Variants in TDRD9 observed in about 807,000 individuals in gnomAD.
TDRD9 encodes the protein tudor domain containing 9.
In TDRD9, 124 loss-of-function variants were observed where a neutral mutation model predicts 172.6. The ratio of observed to expected loss-of-function variants is 0.72; its 90% CI spans 0.62 to 0.83. The LOEUF is 0.83. Among genes scored for constraint, TDRD9 ranks in the 40% least tolerant of loss-of-function variants. The pLI, the probability that TDRD9 is intolerant of heterozygous loss-of-function variation, is 0.00. For synonymous variants in TDRD9, 619 were observed against 617.1 expected, an observed-to-expected ratio of 1.00 and a Z score of -0.05; for missense variants, 1,479 against 1,714.1, an observed-to-expected ratio of 0.86 and a Z score of 2.42.
chr14:103,994,966 G>A (rs144256940), intron 11 of TDRD9, among the ~76,000 whole-genome samples: 230 of 148,074 alleles, frequency 1.6e-3, no homozygotes, highest in Middle Eastern at 3.5e-3. Context: ...AAAAAAAAAA[G>A]AAAAAAAAAT....
At chr14:104,009,947 C>CT (rs553694826) in intron 20 of TDRD9, among the ~76,000 whole-genome samples, 7,188 of 135,190 alleles carry the variant, frequency 0.053, 280 homozygotes, top group Admixed American at 0.14. Context: ...TTCTTTCTTT[C>CT]TTTTTTTTTT....
intron 2 of TDRD9, among the ~76,000 whole-genome samples, chr14:103,956,108 AAAAATATATATATATAT>A (rs1432493847): frequency 2.8e-5 from 1 of 36,216 alleles, no homozygotes; most frequent in Non-Finnish European, 4.8e-5. Context: ...AAAAAAAAAA[AAAAATATATATATATAT>A]ATATATATAT....
At position 103,965,330 on chromosome 14, in the gene TDRD9, T is replaced by G; in HGVS notation, c.421-3T>G. The G allele has an allele frequency of 6.4e-7, 1 of 1,551,492 alleles. No individual in the cohort carries two copies. The highest frequency in any genetic ancestry group is 1.2e-5 in the South Asian group (1 of 84,054). ...ATTTTGAAAGAATTTTTTAAATTTC[T>G]AGGTTGTGTCTTTGATAGAAAGTAA... On this transcript the variant is annotated splice_polypyrimidine_tract_variant and splice_region_variant and intron_variant, in intron 3 of 35. Transcript: ENST00000409874.
chr14:103,998,252 A>C (rs1045005355), intron 12 of TDRD9, among the ~76,000 whole-genome samples: 2 of 144,292 alleles, frequency 1.4e-5, no homozygotes, highest in East Asian at 4.5e-4. Flanking sequence ...ACCCACAGGC[A>C]CACACAGACG....
chr14:104,011,127 C>T (rs1220943680), intron 20 of TDRD9, among the ~76,000 whole-genome samples: 4 of 152,168 alleles, frequency 2.6e-5, no homozygotes, highest in Non-Finnish European at 4.4e-5. Context: ...CTATACGTGT[C>T]CATGGTCAAC....
At chr14:104,028,262 C>T (rs1338648807) in intron 28 of TDRD9, among the ~76,000 whole-genome samples, 2 of 152,054 alleles carry the variant, frequency 1.3e-5, no homozygotes, top group South Asian at 2.1e-4. Flanking sequence ...TTTGAGTAAC[C>T]TTCACACTGT....
chr14:104,032,127 G>A, intron 30 of TDRD9, 40 bp downstream of exon 30: 1 of 1,325,284 alleles, frequency 7.5e-7, no homozygotes, highest in Non-Finnish European at 1.0e-6. Context: ...TTTTTTCTCT[G>A]CTTTTCTGTT....
rs540385183 is a variant in TDRD9 at position 103,979,054 on chromosome 14, C to T, written c.1011+3501C>T. Among the ~76,000 whole-genome samples, 11 of 152,286 alleles carry T rather than the reference C, an allele frequency of 7.2e-5. No individual in the cohort carries two copies. In the South Asian group the frequency reaches 1.2e-3, roughly 17 times the overall value. On this transcript the variant is annotated intron_variant, in intron 7 of 35. Transcript: ENST00000409874. ...ATCTCCCTATTGCCTCCTCCTTTCCCCTACCCTTCCCAGCCTCTAGTATCT... is the reference window on the plus strand; with the variant it reads ...ATCTCCCTATTGCCTCCTCCTTTCCTCTACCCTTCCCAGCCTCTAGTATCT...
At chr14:103,998,886 G>T (rs45487593) in intron 13 of TDRD9, among the ~76,000 whole-genome samples, 158 bp downstream of exon 13, 1 of 151,796 alleles carries the variant, frequency 6.6e-6, no homozygotes, top group Admixed American at 6.6e-5. Flanking sequence ...TCCGCTTCCC[G>T]GGTTCTTGCC....
chr14:103,932,366 G>A (rs1412405623), intron 1 of TDRD9, among the ~76,000 whole-genome samples: 1 of 152,128 alleles, frequency 6.6e-6, no homozygotes, highest in Admixed American at 6.6e-5. Context: ...ATTAGTGAGA[G>A]AACATTTGAC....
chr14:103,987,123 T>TATACAC (rs1167102708), intron 8 of TDRD9, among the ~76,000 whole-genome samples: 33 of 145,686 alleles, frequency 2.3e-4, no homozygotes, highest in African/African-American at 7.7e-4. Flanking sequence ...AAAAAATATA[T>TATACAC]ACACACACAC....
At chr14:104,038,614 T>G (rs2035521963) in intron 32 of TDRD9, among the ~76,000 whole-genome samples, 1 of 152,200 alleles carries the variant, frequency 6.6e-6, no homozygotes, top group Non-Finnish European at 1.5e-5. Context: ...AGTTTGGGTG[T>G]CCTCAGCATG....
intron 13 of TDRD9, among the ~76,000 whole-genome samples, chr14:104,001,569 A>G (rs1198597332): frequency 6.6e-6 from 1 of 152,198 alleles, no homozygotes; most frequent in African/African-American, 2.4e-5. Flanking sequence ...ATAAAAACCC[A>G]AGAATATAGT....
chr14:104,002,404 C>G (rs189845618), intron 13 of TDRD9, among the ~76,000 whole-genome samples: 1 of 152,032 alleles, frequency 6.6e-6, no homozygotes, highest in African/African-American at 2.4e-5. Context: ...TGGTCTGCCC[C>G]TGAACTGGAA....
intron 28 of TDRD9, among the ~76,000 whole-genome samples, chr14:104,030,754 C>T (rs113377612): frequency 1.3e-5 from 2 of 152,112 alleles, no homozygotes; most frequent in South Asian, 4.1e-4. Flanking sequence ...CGCATGTTCT[C>T]ACTCATAGGT....
At chr14:104,042,910 C>CT (rs1398084422) in intron 34 of TDRD9, among the ~76,000 whole-genome samples, 3 of 152,188 alleles carry the variant, frequency 2.0e-5, no homozygotes, top group Middle Eastern at 3.4e-3. Context: ...GGGTTGGTTT[C>CT]TTTTAGTTTA....
chr14:103,963,041 GA>G, intron 2 of TDRD9, 37 bp from the exon 3 acceptor site: 1 of 1,237,632 alleles, frequency 8.1e-7, no homozygotes. Flanking sequence ...TTCCAGATAA[GA>G]AATGGCATTG....
At chr14:104,016,869 T>C (rs1176704554) in intron 22 of TDRD9, among the ~76,000 whole-genome samples, 1 of 152,158 alleles carries the variant, frequency 6.6e-6, no homozygotes, top group East Asian at 1.9e-4. Flanking sequence ...ACACCACCAC[T>C]GTTAGTCCTG....
At chr14:103,963,619 C>T (rs2032609597) in intron 3 of TDRD9, among the ~76,000 whole-genome samples, 1 of 152,166 alleles carries the variant, frequency 6.6e-6, no homozygotes, top group Admixed American at 6.5e-5. Flanking sequence ...TGTAATCAAT[C>T]ATTGACATAC....
Sources: allele counts gnomAD v4.1 joint callset (sites outside exome capture counted in the v4.1 genomes callset), GRCh38; gene constraint gnomAD v4.1.1; transcripts MANE v1.5; gene names NCBI Gene and HGNC (gene_info 2026-07-23, HGNC 2026-07-21).